UPB1: variants seen among roughly 807,000 people sequenced by gnomAD.
UPB1 encodes beta-ureidopropionase.
UPB1 carries 40 observed loss-of-function variants against 49.1 expected under a neutral mutation model. The observed-to-expected ratio is 0.81, with a 90% CI of 0.63 to 1.06. The LOEUF is 1.06. Among genes scored for constraint, UPB1 ranks in the 50% least tolerant of loss-of-function variants. The pLI is 0.00. For missense variants in UPB1, 499 were observed against 505.9 expected, an observed-to-expected ratio of 0.99 and a Z score of 0.13; for synonymous variants, 207 against 198.2, an observed-to-expected ratio of 1.04 and a Z score of -0.38.
intron 3 of UPB1, among the ~76,000 whole-genome samples, chr22:24,509,361 G>GAAAAAAAAAAAA (rs202081655): frequency 3.8e-4 from 35 of 92,150 alleles, no homozygotes; most frequent in East Asian, 6.6e-4. Context: ...CCTACTGTTT[G>GAAAAAAAAAAAA]AAAAAAAAAA....
chr22:24,515,003 T>C (rs934112632), intron 5 of UPB1, among the ~76,000 whole-genome samples, 198 bp from the exon 6 acceptor site: 7 of 152,168 alleles, frequency 4.6e-5, no homozygotes, highest in African/African-American at 1.7e-4. Context: ...CCACTGTGAT[T>C]TCCCCCGGGG....
chr22:24,514,474 A>T (rs1414423501), intron 5 of UPB1, among the ~76,000 whole-genome samples: 1 of 152,072 alleles, frequency 6.6e-6, no homozygotes, highest in Non-Finnish European at 1.5e-5. Context: ...GCCAATTTTG[A>T]TGGCCAGGAT....
At chr22:24,519,491 C>G (rs1341610257) in intron 6 of UPB1, among the ~76,000 whole-genome samples, 1 of 152,152 alleles carries the variant, frequency 6.6e-6, no homozygotes, top group Non-Finnish European at 1.5e-5. Context: ...GACAGGGTCT[C>G]TGGTTGGGGC....
At chr22:24,519,208 T>C (rs980366201) in intron 6 of UPB1, among the ~76,000 whole-genome samples, 6 of 152,084 alleles carry the variant, frequency 3.9e-5, no homozygotes, top group Admixed American at 1.3e-4. Context: ...CAATCAAGCC[T>C]GTGATTTTTT....
intron 1 of UPB1, among the ~76,000 whole-genome samples, chr22:24,498,753 A>G (rs2043936033): frequency 6.6e-6 from 1 of 152,082 alleles, no homozygotes; most frequent in African/African-American, 2.4e-5. Context: ...TTCACCTGAC[A>G]TTTTCCTGGT....
rs370543165 is a variant in UPB1 at position 24,510,736 on chromosome 22, C to T, written c.365-13C>T. ...CATGTTGGATATAATTCTGCCCTTT[C>T]TCCTATTTATAGCTATGCCCTTTGC... On this transcript the variant is annotated splice_polypyrimidine_tract_variant and intron_variant, in intron 3 of 9. Coordinates refer to ENST00000326010, the MANE Select transcript of UPB1 (RefSeq NM_016327.3). The T allele has an allele frequency of 3.7e-6, 6 of 1,613,642 alleles. No individual in the cohort carries two copies. Among genetic ancestry groups the T allele is most frequent in the Non-Finnish European group, 4.2e-6 (5 of 1,179,674 alleles).
chr22:24,506,981 C>A (rs144132474), intron 3 of UPB1, among the ~76,000 whole-genome samples: 122 of 149,082 alleles, frequency 8.2e-4, no homozygotes, highest in Non-Finnish European at 1.3e-3. Context: ...CTCCTTCCCT[C>A]TAGGCTGGCA....
rs572666193 is a variant in UPB1 at position 24,507,434 on chromosome 22, C to G, written c.365-3315C>G. ...CTCTTAGGACCAGGCTTCCTGGGAC[C>G]GGAAGGAATTGAGAGGCTGAGGCTT... On this transcript the variant is annotated intron_variant, in intron 3 of 9. Coordinates refer to ENST00000326010, the MANE Select transcript of UPB1 (RefSeq NM_016327.3). 3.5e-4 allele frequency among the ~76,000 whole-genome samples: 54 copies of G among 152,116 alleles called. No homozygotes were observed. In the South Asian group the frequency reaches 0.011, roughly 32 times the overall value.
At position 24,496,376 on chromosome 22, in the gene UPB1, CACACACACACACACACACACACACACAT is replaced by C. The variant is rs1244640279; in HGVS notation, c.104+892_104+919del. ...TCAGAGTGAGGCCCTGTCTCAAACA[CACACACACACACACACACACACACACAT>C]ACACACACACACACACACACACGTC... On this transcript the variant is annotated intron_variant, in intron 1 of 9. Transcript: ENST00000326010. Among the ~76,000 whole-genome samples, 226 of 128,494 alleles carry C rather than the reference CACACACACACACACACACACACACACAT, an allele frequency of 1.8e-3. 3 individuals are homozygous for C. The South Asian group carries it at 0.023, about 13-fold the overall frequency. The allele number at this position is 128,494 out of a possible 152,430, so 84.3% of individuals were successfully genotyped here.
At chr22:24,502,375 T>C (rs747719418) in intron 3 of UPB1, 162 bp downstream of exon 3, 12 of 823,326 alleles carry the variant, frequency 1.5e-5, no homozygotes, top group Non-Finnish European at 2.4e-5. Context: ...GCCTCCCTGC[T>C]GTTACGCACC....
At chr22:24,520,129 T>C (rs2044361789) in intron 6 of UPB1, 3 of 552,994 alleles carry the variant, frequency 5.4e-6, no homozygotes, top group Middle Eastern at 4.9e-4. Flanking sequence ...GGCTTATGCC[T>C]GCAGCAGGCC....
intron 4 of UPB1, 42 bp downstream of exon 4, chr22:24,510,885 G>A (rs1241722625): frequency 1.3e-6 from 2 of 1,599,134 alleles, no homozygotes; most frequent in East Asian, 2.2e-5. Flanking sequence ...TGCCAAATAT[G>A]TGCAAGTCAC....
intron 5 of UPB1, among the ~76,000 whole-genome samples, chr22:24,514,978 G>A (rs1467346370): frequency 1.3e-5 from 2 of 152,134 alleles, no homozygotes; most frequent in Non-Finnish European, 1.5e-5. Flanking sequence ...AAAGGAGACT[G>A]GGCAAATGCT....
Position 24,500,164 on chromosome 22 carries a change from G to A in UPB1, c.162G>A (p.Leu54=). ...CTGCCTCCAGAGAAGACTTTGAACT[G>A]CAGGGATATGCCTTTGAAGCAGCGG... ...FEAASREDFE[L]QGYAFEAAEE... Residue 54 remains leucine, a synonymous_variant, in exon 2 of 10, where the codon CTG becomes CTA. Coordinates refer to ENST00000326010, the MANE Select transcript of UPB1 (RefSeq NM_016327.3). 5.6e-6 allele frequency: 9 copies of A among 1,614,216 alleles called. No homozygotes were observed. The highest frequency in any genetic ancestry group is 1.3e-5 in the African/African-American group (1 of 75,046).
intron 6 of UPB1, chr22:24,520,026 C>T (rs2044359308): frequency 2.8e-6 from 1 of 352,516 alleles, no homozygotes; most frequent in Non-Finnish European, 5.5e-6. Flanking sequence ...TCTTCATAGT[C>T]TTCTTTTGAG....
At chr22:24,495,992 G>T (rs960934970) in intron 1 of UPB1, among the ~76,000 whole-genome samples, 1 of 152,144 alleles carries the variant, frequency 6.6e-6, no homozygotes, top group African/African-American at 2.4e-5. Context: ...CAAGCCATGG[G>T]CGCTGGTTTT....
At chr22:24,504,194 G>C (rs1334183605) in intron 3 of UPB1, among the ~76,000 whole-genome samples, 1 of 152,210 alleles carries the variant, frequency 6.6e-6, no homozygotes, top group African/African-American at 2.4e-5. Flanking sequence ...TCTGGTACTG[G>C]AGCCCCCATT....
chr22:24,524,968 A>T (rs2044457631), intron 9 of UPB1, among the ~76,000 whole-genome samples: 2 of 152,116 alleles, frequency 1.3e-5, no homozygotes, highest in Admixed American at 1.3e-4. Flanking sequence ...CAAACAAGGT[A>T]TTGGGCATGA....
At chr22:24,497,018 T>C (rs776585962) in intron 1 of UPB1, among the ~76,000 whole-genome samples, 1 of 152,156 alleles carries the variant, frequency 6.6e-6, no homozygotes, top group Admixed American at 6.5e-5. Flanking sequence ...TGGAACACTG[T>C]CCCTCTTTCT....
Sources: allele counts gnomAD v4.1 joint callset (sites outside exome capture counted in the v4.1 genomes callset), GRCh38; gene constraint gnomAD v4.1.1; transcripts MANE v1.5; gene names NCBI Gene and HGNC (gene_info 2026-07-23, HGNC 2026-07-21).